BCO2: variants seen among roughly 807,000 people sequenced by gnomAD.
BCO2 encodes carotenoid-cleaving dioxygenase, mitochondrial.
BCO2 carries 56 observed loss-of-function variants against 65.8 expected under a neutral mutation model. The ratio of observed to expected loss-of-function variants is 0.85; its 90% CI spans 0.69 to 1.06. The LOEUF (loss-of-function observed/expected upper bound fraction) is 1.06. Ranked by LOEUF, BCO2 falls within the 50% of genes least tolerant of loss-of-function variation. The probability of loss-of-function intolerance (pLI) is 0.00; values close to 1 mark genes in which losing one functional copy is unlikely to be tolerated. For synonymous variants in BCO2, 233 were observed against 242.3 expected (o/e 0.96, Z 0.36); for missense variants, 675 against 698.5 (o/e 0.97, Z 0.38).
In BCO2 at chr11:112,217,887, A is replaced by G; in HGVS notation, c.*13A>G. On this transcript the variant is annotated 3_prime_UTR_variant, in exon 12 of 12. Transcript: ENST00000357685. Reference sequence around the variant, plus strand: ...CATACCCATCTGATGGGACAACCACAAGGTCTGGAAACTAGGTTTAAAATA... The same window carrying G: ...CATACCCATCTGATGGGACAACCACGAGGTCTGGAAACTAGGTTTAAAATA... 1 of 1,549,232 alleles carries G rather than the reference A, an allele frequency of 6.5e-7. No individual in the cohort carries two copies. Among genetic ancestry groups the G allele is most frequent in the Non-Finnish European group, 8.9e-7 (1 of 1,129,778 alleles).
intron 8 of BCO2, among the ~76,000 whole-genome samples, chr11:112,204,698 G>A (rs752799976): frequency 6.6e-6 from 1 of 152,104 alleles, no homozygotes; most frequent in Non-Finnish European, 1.5e-5. Context: ...TTGAGACAGA[G>A]TTTTGCTCTT....
chr11:112,189,865 G>A (rs1242366003), intron 2 of BCO2, among the ~76,000 whole-genome samples: 2 of 152,052 alleles, frequency 1.3e-5, no homozygotes, highest in East Asian at 3.9e-4. Context: ...TTATTTCAGA[G>A]CATCAAAAAT....
rs1566788118 is a variant in BCO2 at position 112,200,765 on chromosome 11, ACT to A, written c.1019_1020del (p.Thr340ArgfsTer23). On this transcript the variant is annotated frameshift_variant, in exon 7 of 12. Coordinates refer to ENST00000357685, the MANE Select transcript of BCO2 (RefSeq NM_031938.7). LOFTEE classifies it high-confidence loss of function. ...NTRFHVVEKR[T>X]GQLLPGRYYS... is the part of the protein sequence containing the mutation. Reference sequence around the variant, plus strand: ...GCGGTTTCATGTGGTGGAAAAACGCACTGGACAGGTGGAGTATTTTGAGTATA... The same window carrying A: ...GCGGTTTCATGTGGTGGAAAAACGCAGGACAGGTGGAGTATTTTGAGTATA... 1 of 1,613,836 alleles carries A rather than the reference ACT, an allele frequency of 6.2e-7. No homozygotes were observed. Among genetic ancestry groups the A allele is most frequent in the African/African-American group, 1.3e-5 (1 of 75,040 alleles).
Position 112,202,114 on chromosome 11 carries a change from G to T in BCO2, c.1118G>T (p.Cys373Phe). 6.2e-7 allele frequency: 1 copy of T among 1,613,942 alleles called. No homozygotes were observed. Among genetic ancestry groups the T allele is most frequent in the South Asian group, 1.1e-5 (1 of 91,056 alleles). The part of the protein sequence containing the change: ...EDQGCVIIDL[C>F]CQDNGRTLEV... The stretch of plus-strand genomic sequence containing the variant: ...CAGGGCTGTGTTATAATTGATTTGT[G>T]CTGTCAAGATAATGGAAGAACCCTA... Residue 373 changes from cysteine to phenylalanine, a missense_variant, in exon 8 of 12, where the codon TGC becomes TTC. Physicochemically the swap from Cys to Phe is radical, Grantham distance 205. Coordinates refer to ENST00000357685, the MANE Select transcript of BCO2 (RefSeq NM_031938.7).
chr11:112,182,849 A>ATG, intron 2 of BCO2: 1 of 818,972 alleles, frequency 1.2e-6, no homozygotes, highest in Non-Finnish European at 2.0e-6. Context: ...ACTTATATAT[A>ATG]TATAAAAAGA....
In BCO2 at chr11:112,202,119, C is replaced by A; in HGVS notation, c.1123C>A (p.Gln375Lys). The change falls in exon 8 of 12, where the codon CAA becomes AAA. Residue 375 changes from glutamine (Q) to lysine (K), a missense_variant. Physicochemically the swap from Gln to Lys is moderately conservative, Grantham distance 53 (BLOSUM62 1). Coordinates refer to ENST00000357685, the MANE Select transcript of BCO2 (RefSeq NM_031938.7). ...QGCVIIDLCC[Q>K]DNGRTLEVYQ... ...CTGTGTTATAATTGATTTGTGCTGT[C>A]AAGATAATGGAAGAACCCTAGAAGT... 3 of 1,613,912 alleles carry A rather than the reference C, an allele frequency of 1.9e-6. No homozygotes were observed. The highest frequency in any genetic ancestry group is 2.5e-6 in the Non-Finnish European group (3 of 1,179,922).
intron 5 of BCO2, among the ~76,000 whole-genome samples, chr11:112,199,345 G>A (rs760359741): frequency 6.3e-4 from 96 of 151,966 alleles, no homozygotes; most frequent in Non-Finnish European, 1.2e-3. Context: ...GATTTTCTTT[G>A]TCCAGTCTAT....
chr11:112,215,535 C>G (rs989139093), intron 10 of BCO2: 1 of 153,902 alleles, frequency 6.5e-6, no homozygotes, highest in Non-Finnish European at 1.4e-5. Flanking sequence ...ACGGTGAAAC[C>G]CTGTCTCTAC....
At position 112,218,128 on chromosome 11, in the gene BCO2, A is replaced by C. The variant is rs573163107; in HGVS notation, c.*254A>C. ...CCCAGAATCTAAAATAAAAATAAAA[A>C]GAAAAACAAAGAATGTACTCTATAC... On this transcript the variant is annotated 3_prime_UTR_variant, in exon 12 of 12. Coordinates refer to ENST00000357685, the MANE Select transcript of BCO2 (RefSeq NM_031938.7). 3.1e-5 allele frequency: 10 copies of C among 327,328 alleles called. No homozygotes were observed. Among genetic ancestry groups the C allele is most frequent in the African/African-American group, 1.5e-4 (7 of 47,234 alleles). 20.3% of individuals were successfully genotyped at this position (327,328 alleles called of 1,614,324 possible). A position where few individuals can be genotyped will look rare whatever the true frequency, so the allele number is the denominator to read the frequency against.
chr11:112,202,269 TTCTC>T (rs377696576), intron 8 of BCO2, 79 bp downstream of exon 8: 226 of 1,169,262 alleles, frequency 1.9e-4, no homozygotes, highest in East Asian at 3.1e-4. Context: ...AATTACATGT[TTCTC>T]TCTCTCTCTC....
At chr11:112,183,821 C>G (rs1867125795) in intron 2 of BCO2, among the ~76,000 whole-genome samples, 1 of 152,194 alleles carries the variant, frequency 6.6e-6, no homozygotes, top group South Asian at 2.1e-4. Context: ...CCAGTTCTTA[C>G]TGATTGAAAC....
chr11:112,216,190 T>G (rs372031492), intron 10 of BCO2, 30 bp from the exon 11 acceptor site: 1 of 1,528,884 alleles, frequency 6.5e-7, no homozygotes, highest in African/African-American at 1.4e-5. Context: ...CTACTTGCCT[T>G]TTATCAAATG....
At chr11:112,204,153 C>T (rs1867808841) in intron 8 of BCO2, among the ~76,000 whole-genome samples, 1 of 152,136 alleles carries the variant, frequency 6.6e-6, no homozygotes, top group Non-Finnish European at 1.5e-5. Context: ...AGCGCCCTGC[C>T]TCATAGAATA....
intron 9 of BCO2, 60 bp from the exon 10 acceptor site, chr11:112,214,700 CCT>C: frequency 7.0e-7 from 1 of 1,418,794 alleles, no homozygotes. Context: ...TCCTCACTGA[CCT>C]ACATAAGAGG....
In BCO2 at chr11:112,216,045, C is replaced by A. The variant is rs1202227839; in HGVS notation, c.1516-175C>A. ...TGAGGGACTGGCCCCCATCACCCAGCACTTCCCACTAGGCCCCACCTTCAG... is the reference window on the plus strand; with the variant it reads ...TGAGGGACTGGCCCCCATCACCCAGAACTTCCCACTAGGCCCCACCTTCAG... On this transcript the variant is annotated intron_variant, in intron 10 of 11. Transcript: ENST00000357685. The A allele has an allele frequency of 1.0e-5, 6 of 597,216 alleles. No homozygotes were observed. In the Admixed American group the frequency reaches 1.2e-4, roughly 11 times the overall value. The allele number at this position is 597,216 out of a possible 1,614,324, so 37.0% of individuals were successfully genotyped here.
intron 8 of BCO2, among the ~76,000 whole-genome samples, chr11:112,203,343 G>A (rs1286049153): frequency 6.6e-6 from 1 of 152,170 alleles, no homozygotes. Context: ...GCTTTATGGT[G>A]GGTCTTGACA....
intron 7 of BCO2, among the ~76,000 whole-genome samples, chr11:112,201,135 T>G (rs1382756493): frequency 6.7e-6 from 1 of 149,722 alleles, no homozygotes; most frequent in African/African-American, 2.4e-5. Flanking sequence ...ATTCTCTGGC[T>G]TCTTTTTCCT....
chr11:112,214,742 C>T lies in BCO2; in HGVS notation c.1333-20C>T. ...TAAGAATTAAGCAACCACTACAAAT[C>T]CTTTTGAAATCTCTTTTAGATCTGG... On this transcript the variant is annotated intron_variant, in intron 9 of 11. Coordinates refer to ENST00000357685, the MANE Select transcript of BCO2 (RefSeq NM_031938.7). The T allele has an allele frequency of 6.2e-7, 1 of 1,602,352 alleles. No homozygotes were observed. The highest frequency in any genetic ancestry group is 1.3e-5 in the African/African-American group (1 of 74,582).
chr11:112,179,247 A>T, intron 1 of BCO2, 31 bp from the exon 2 acceptor site: 1 of 1,596,114 alleles, frequency 6.3e-7, no homozygotes, highest in African/African-American at 1.3e-5. Context: ...TTGGTAAAAT[A>T]TTTTTTGTGC....
Sources: gnomAD v4.1 joint callset for allele counts (sites outside exome capture counted in the v4.1 genomes callset) on GRCh38, gnomAD v4.1.1 for gene constraint, MANE v1.5 for transcripts, NCBI Gene and HGNC (gene_info 2026-07-23, HGNC 2026-07-21) for gene names.